The following ATXN1 variants were observed in gnomAD, a reference collection of about 807,000 sequenced individuals.
ATXN1 encodes the protein ataxin-1.
In ATXN1, 8 loss-of-function variants were observed where a neutral mutation model predicts 56.4. The observed-to-expected ratio is 0.14, with a 90% CI of 0.08 to 0.26. ATXN1 has a LOEUF of 0.26. Ranked by LOEUF, ATXN1 falls within the 10% of genes least tolerant of loss-of-function variation. ATXN1 has a pLI of 1.00. For missense variants in ATXN1, 987 were observed against 1,106.5 expected (o/e 0.89, Z 1.53); for synonymous variants, 514 against 494.6 (o/e 1.04, Z -0.52).
chr6:16,500,029 G>A (rs2113672510), intron 5 of ATXN1, among the ~76,000 whole-genome samples: 1 of 152,306 alleles, frequency 6.6e-6, no homozygotes, highest in African/African-American at 2.4e-5. Context: ...AGCCAAGGTG[G>A]AGAGTCACTG....
At chr6:16,739,588 G>A (rs1292138949) in intron 2 of ATXN1, 2 of 302,698 alleles carry the variant, frequency 6.6e-6, no homozygotes, top group Non-Finnish European at 1.4e-5. Context: ...CTCTGCAAAT[G>A]ACAAAAGGTG....
intron 2 of ATXN1, among the ~76,000 whole-genome samples, chr6:16,669,544 C>T (rs1280033068): frequency 2.0e-5 from 3 of 152,140 alleles, no homozygotes; most frequent in African/African-American, 4.8e-5. Flanking sequence ...GGCAGACCCC[C>T]TTGGTGTGCT....
chr6:16,731,869 TC>T (rs1427298212), intron 2 of ATXN1, among the ~76,000 whole-genome samples: 1 of 152,132 alleles, frequency 6.6e-6, no homozygotes, highest in African/African-American at 2.4e-5. Flanking sequence ...TCTACACATT[TC>T]CTGTGCTATT....
At chr6:16,755,203 C>G (rs992198764) in intron 1 of ATXN1, among the ~76,000 whole-genome samples, 2 of 152,202 alleles carry the variant, frequency 1.3e-5, no homozygotes, top group Non-Finnish European at 2.9e-5. Flanking sequence ...TTTACTCTTG[C>G]ATGAGTATGC....
chr6:16,458,517 A>ATC (rs1456983027), intron 6 of ATXN1, among the ~76,000 whole-genome samples: 3 of 152,170 alleles, frequency 2.0e-5, no homozygotes, highest in Non-Finnish European at 4.4e-5. Flanking sequence ...CCTGAACAAA[A>ATC]TCTGGAGGCA....
Position 16,744,768 on chromosome 6 carries a change from G to C in ATXN1, c.-615+8465C>G, listed in dbSNP as rs148719904. Among the ~76,000 whole-genome samples the C allele has an allele frequency of 4.1e-3, 627 of 152,320 alleles. 2 individuals carry two copies. Among genetic ancestry groups the C allele is most frequent in the African/African-American group, 0.014 (571 of 41,568 alleles). The stretch of plus-strand genomic sequence containing the variant: ...GTGGACCACTCGCCAGCCTGGTGCA[G>C]AATTTGAGCTGCGGTAATCTCATTT... On this transcript the variant is annotated intron_variant, in intron 2 of 7. Coordinates refer to ENST00000436367, the MANE Select transcript of ATXN1 (RefSeq NM_001128164.2).
At chr6:16,510,151 C>A (rs879513937) in intron 5 of ATXN1, among the ~76,000 whole-genome samples, 5 of 152,172 alleles carry the variant, frequency 3.3e-5, no homozygotes, top group African/African-American at 9.7e-5. Context: ...AGTTCCTTTT[C>A]AGATCATAGG....
chr6:16,612,168 A>G (rs888593729), intron 3 of ATXN1, among the ~76,000 whole-genome samples: 2 of 151,894 alleles, frequency 1.3e-5, no homozygotes, highest in Non-Finnish European at 2.9e-5. Context: ...CAGCAGATGA[A>G]AATTTAATAA....
intron 6 of ATXN1, among the ~76,000 whole-genome samples, chr6:16,378,538 TTTA>T (rs1762190210): frequency 1.6e-5 from 1 of 64,286 alleles, no homozygotes; most frequent in Admixed American, 1.5e-4. Context: ...CTCTCTTGAC[TTTA>T]TTTATTTATT....
At chr6:16,396,426 C>A (rs992288264) in intron 6 of ATXN1, among the ~76,000 whole-genome samples, 2 of 151,908 alleles carry the variant, frequency 1.3e-5, no homozygotes, top group South Asian at 4.1e-4. Context: ...CAAAAACAAG[C>A]TTATAGAATA....
chr6:16,535,866 T>C (rs1448738443), intron 4 of ATXN1, among the ~76,000 whole-genome samples: 4 of 152,190 alleles, frequency 2.6e-5, no homozygotes, highest in African/African-American at 9.7e-5. Flanking sequence ...AGTGACAATC[T>C]GCCAATTTTA....
chr6:16,328,113 C>A lies in ATXN1; in HGVS notation c.198G>T (p.Ser66=), dbSNP rs772585818. ...TTCCCTGTTGTAAACCAAGCTCCACCGAGGTCCCTGCCGGCCCATGCCTCC... is the reference window on the plus strand; with the variant it reads ...TTCCCTGTTGTAAACCAAGCTCCACAGAGGTCCCTGCCGGCCCATGCCTCC... ...GGGRHGPAGT[S]VELGLQQGIG... is the part of the protein sequence containing the mutation. Residue 66 remains serine (S), a synonymous_variant, in exon 7 of 8, where the codon TCG becomes TCT. Coordinates refer to ENST00000436367, the MANE Select transcript of ATXN1 (RefSeq NM_001128164.2). The surrounding 1 kb of genome is among the most constrained non-coding windows in gnomAD (Gnocchi z 6.2). 6.3e-7 allele frequency: 1 copy of A among 1,593,602 alleles called. No homozygotes were observed. Among genetic ancestry groups the A allele is most frequent in the Non-Finnish European group, 8.6e-7 (1 of 1,166,162 alleles).
At chr6:16,723,505 A>G (rs1759787202) in intron 2 of ATXN1, among the ~76,000 whole-genome samples, 2 of 152,160 alleles carry the variant, frequency 1.3e-5, no homozygotes, top group African/African-American at 2.4e-5. Context: ...AGATAAAATC[A>G]TGTTCTATAT....
chr6:16,522,594 A>T (rs1477724247), intron 5 of ATXN1, 33 bp downstream of exon 5: 2 of 152,220 alleles, frequency 1.3e-5, no homozygotes, highest in Non-Finnish European at 2.9e-5. Context: ...TGATGTGGGT[A>T]AAAATACATG....
chr6:16,380,139 G>A (rs1318164624), intron 6 of ATXN1, among the ~76,000 whole-genome samples: 3 of 152,130 alleles, frequency 2.0e-5, no homozygotes, highest in Non-Finnish European at 2.9e-5. Flanking sequence ...TCTGTAATCT[G>A]CCCAGATCAC....
intron 4 of ATXN1, among the ~76,000 whole-genome samples, chr6:16,580,920 A>G (rs951360339): frequency 7.2e-5 from 11 of 152,226 alleles, no homozygotes; most frequent in African/African-American, 2.7e-4. Flanking sequence ...GGAAGGGCAT[A>G]TTTATGCTGA....
In ATXN1 at chr6:16,761,319, G is replaced by A; in HGVS notation, c.-751C>T. 1 of 456,180 alleles carries A rather than the reference G, an allele frequency of 2.2e-6. No homozygotes were observed. The highest frequency in any genetic ancestry group is 1.6e-5 in the South Asian group (1 of 64,516). The allele number at this position is 456,180 out of a possible 1,614,324, so 28.3% of individuals were successfully genotyped here. A position where few individuals can be genotyped will look rare whatever the true frequency, so the allele number is the denominator to read the frequency against. Reference sequence around the variant, plus strand: ...TTACTGTAAAGTGTAAATGGATCTGGGGTTGCGTGGGGAAGGGGGGGCAGA... The same window carrying A: ...TTACTGTAAAGTGTAAATGGATCTGAGGTTGCGTGGGGAAGGGGGGGCAGA... On this transcript the variant is annotated 5_prime_UTR_variant, in exon 1 of 8. Coordinates refer to ENST00000436367, the MANE Select transcript of ATXN1 (RefSeq NM_001128164.2).
At chr6:16,414,502 G>A (rs921863492) in intron 6 of ATXN1, among the ~76,000 whole-genome samples, 1 of 152,136 alleles carries the variant, frequency 6.6e-6, no homozygotes, top group Non-Finnish European at 1.5e-5. Flanking sequence ...TGACGCCCAC[G>A]ACACAAATGA....
intron 6 of ATXN1, among the ~76,000 whole-genome samples, chr6:16,457,070 C>T (rs1053859304): frequency 6.6e-6 from 1 of 152,170 alleles, no homozygotes; most frequent in African/African-American, 2.4e-5. Flanking sequence ...CATTTTGAGG[C>T]ATATTATCTT....
Sources: gnomAD v4.1 joint callset for allele counts (sites outside exome capture counted in the v4.1 genomes callset) on GRCh38, gnomAD v4.1.1 for gene constraint, Gnocchi (gnomAD v3.1) non-coding constraint, MANE v1.5 for transcripts, NCBI Gene and HGNC (gene_info 2026-07-23, HGNC 2026-07-21) for gene names.